ADAMTS6: variants seen among roughly 807,000 people sequenced by gnomAD.
ADAMTS6 encodes ADAM metallopeptidase with thrombospondin type 1 motif 6.
ADAMTS6 carries 23 observed loss-of-function variants against 144.3 expected under a neutral mutation model. The observed-to-expected ratio is 0.16, with a 90% CI of 0.11 to 0.23. The LOEUF is 0.23. Among genes scored for constraint, ADAMTS6 ranks in the 10% least tolerant of loss-of-function variants. The pLI is 1.00. For synonymous variants in ADAMTS6, 444 were observed against 457.5 expected (o/e 0.97, Z 0.38); for missense variants, 999 against 1,379.6 (o/e 0.72, Z 4.37).
intron 7 of ADAMTS6, among the ~76,000 whole-genome samples, chr5:65,368,144 T>C (rs1750481511): frequency 6.6e-6 from 1 of 152,208 alleles, no homozygotes; most frequent in African/African-American, 2.4e-5. Context: ...CTAGTGTGTC[T>C]GTTTTGCCCT....
At chr5:65,325,667 T>C (rs1040764132) in intron 9 of ADAMTS6, among the ~76,000 whole-genome samples, 1 of 152,062 alleles carries the variant, frequency 6.6e-6, no homozygotes, top group Non-Finnish European at 1.5e-5. Flanking sequence ...CTAATTTCTG[T>C]ATTTTTTGTA....
At chr5:65,313,979 T>A (rs910443779) in intron 9 of ADAMTS6, among the ~76,000 whole-genome samples, 35 of 152,042 alleles carry the variant, frequency 2.3e-4, no homozygotes, top group South Asian at 1.7e-3. Context: ...TTAAAAAAAA[T>A]ATATATAAGA....
intron 9 of ADAMTS6, among the ~76,000 whole-genome samples, chr5:65,311,458 T>C (rs1744485172): frequency 6.6e-6 from 1 of 152,112 alleles, no homozygotes; most frequent in Admixed American, 6.6e-5. Flanking sequence ...ATTTTAAACA[T>C]TAAAGCAGAT....
At chr5:65,314,146 A>G (rs928752030) in intron 9 of ADAMTS6, among the ~76,000 whole-genome samples, 1 of 152,160 alleles carries the variant, frequency 6.6e-6, no homozygotes, top group African/African-American at 2.4e-5. Flanking sequence ...GAAGAGATAG[A>G]TAATTAATGT....
At chr5:65,225,254 A>T (rs1430655323) in intron 16 of ADAMTS6, among the ~76,000 whole-genome samples, 2 of 152,198 alleles carry the variant, frequency 1.3e-5, no homozygotes, top group Non-Finnish European at 2.9e-5. Flanking sequence ...CAAGAAAATA[A>T]ACTACCCCTT....
intron 7 of ADAMTS6, among the ~76,000 whole-genome samples, chr5:65,389,158 C>G (rs954213059): frequency 4.6e-5 from 7 of 151,728 alleles, no homozygotes; most frequent in Non-Finnish European, 1.0e-4. Flanking sequence ...GAGCTGAGAT[C>G]GCGCCACTGC....
chr5:65,217,541 C>T (rs1326570734), intron 18 of ADAMTS6, among the ~76,000 whole-genome samples: 1 of 151,592 alleles, frequency 6.6e-6, no homozygotes, highest in Non-Finnish European at 1.5e-5. Context: ...AAGAGAATTA[C>T]CAAAGGGGGA....
chr5:65,318,571 T>C (rs1166861054), intron 9 of ADAMTS6, among the ~76,000 whole-genome samples: 1 of 152,162 alleles, frequency 6.6e-6, no homozygotes, highest in Non-Finnish European at 1.5e-5. Context: ...GATCCTGCCA[T>C]TTGCAACAAC....
At chr5:65,382,660 C>A (rs1364212699) in intron 7 of ADAMTS6, among the ~76,000 whole-genome samples, 1 of 152,236 alleles carries the variant, frequency 6.6e-6, no homozygotes, top group Non-Finnish European at 1.5e-5. Context: ...CCTCCTGCCA[C>A]AGGGCATATG....
chr5:65,273,939 A>T (rs927895084), intron 11 of ADAMTS6, among the ~76,000 whole-genome samples: 2 of 152,182 alleles, frequency 1.3e-5, no homozygotes, highest in Non-Finnish European at 2.9e-5. Flanking sequence ...TGAATTTTTT[A>T]AATTTTGAAG....
intron 20 of ADAMTS6, among the ~76,000 whole-genome samples, chr5:65,202,074 C>A (rs1005090949): frequency 2.0e-5 from 3 of 152,188 alleles, no homozygotes; most frequent in African/African-American, 7.2e-5. Context: ...GCCCATCTGC[C>A]TTGGATCTAA....
chr5:65,235,230 A>C (rs1758576915), intron 15 of ADAMTS6, among the ~76,000 whole-genome samples: 1 of 152,242 alleles, frequency 6.6e-6, no homozygotes, highest in Non-Finnish European at 1.5e-5. Context: ...CACACAAAAA[A>C]GGTAAATATG....
chr5:65,205,810 C>G (rs1306580501), intron 20 of ADAMTS6, among the ~76,000 whole-genome samples: 1 of 152,102 alleles, frequency 6.6e-6, no homozygotes, highest in East Asian at 1.9e-4. Flanking sequence ...TCCTTCATTT[C>G]TTTTTTTCCT....
At chr5:65,156,183 G>A (rs544947506) in intron 24 of ADAMTS6, among the ~76,000 whole-genome samples, 20 of 152,120 alleles carry the variant, frequency 1.3e-4, no homozygotes, top group South Asian at 8.3e-4. Flanking sequence ...TGCTGATGTC[G>A]TTGAGAGGCC....
At chr5:65,408,870 G>C (rs571685821) in intron 7 of ADAMTS6, among the ~76,000 whole-genome samples, 7 of 152,284 alleles carry the variant, frequency 4.6e-5, no homozygotes, top group South Asian at 2.1e-4. Context: ...CAACTACATG[G>C]AAACTGAACA....
chr5:65,278,543 T>A (rs1357515313), intron 11 of ADAMTS6, among the ~76,000 whole-genome samples: 1 of 152,218 alleles, frequency 6.6e-6, no homozygotes, highest in Non-Finnish European at 1.5e-5. Context: ...AGGTGGTATC[T>A]CACTGTGGTT....
intron 18 of ADAMTS6, among the ~76,000 whole-genome samples, chr5:65,220,325 A>T (rs930181894): frequency 1.3e-5 from 2 of 150,592 alleles, no homozygotes; most frequent in African/African-American, 2.5e-5. Context: ...AATTTATGGT[A>T]AAAAAAATGC....
chr5:65,319,416 G>C (rs1020730348), intron 9 of ADAMTS6, among the ~76,000 whole-genome samples: 2 of 150,622 alleles, frequency 1.3e-5, no homozygotes, highest in African/African-American at 4.9e-5. Flanking sequence ...GTGGTGGCTC[G>C]GGCCTGTAAT....
chr5:65,235,407 A>G (rs983435367), intron 15 of ADAMTS6, among the ~76,000 whole-genome samples: 5 of 152,196 alleles, frequency 3.3e-5, no homozygotes, highest in African/African-American at 1.2e-4. Context: ...TGGTTAATAC[A>G]GAGTGTCAAC....
Sources: allele counts gnomAD v4.1 joint callset (sites outside exome capture counted in the v4.1 genomes callset), GRCh38; gene constraint gnomAD v4.1.1; transcripts MANE v1.5; gene names NCBI Gene and HGNC (gene_info 2026-07-23, HGNC 2026-07-21).